The following AXDND1 variants were observed in gnomAD, a reference collection of about 807,000 sequenced individuals.
AXDND1 encodes axonemal dynein light chain domain-containing protein 1.
In AXDND1, 110 loss-of-function variants were observed where a neutral mutation model predicts 137.5. That is an observed-to-expected ratio of 0.80 (90% confidence interval 0.69 to 0.94). The LOEUF (loss-of-function observed/expected upper bound fraction) is 0.94, where lower values mean the gene tolerates loss of function less well. Among genes scored for constraint, AXDND1 ranks in the 40% least tolerant of loss-of-function variants. The pLI is 0.00. For missense variants in AXDND1, 1,191 were observed against 1,169.8 expected (o/e 1.02, Z -0.26); for synonymous variants, 414 against 399.7 (o/e 1.04, Z -0.43).
Position 179,413,295 on chromosome 1 carries a change from G to T in AXDND1, c.1230+2029G>T, listed in dbSNP as rs190866922. On this transcript the variant is annotated intron_variant, in intron 12 of 25. Transcript: ENST00000367618. ...GGGTACGTGTGCAGGATAGCTACAT[G>T]GATATATTGTGTAAATCATAAGGTT... 6.6e-4 allele frequency among the ~76,000 whole-genome samples: 101 copies of T among 152,014 alleles called. 2 individuals are homozygous for T. Among genetic ancestry groups the T allele is most frequent in the Non-Finnish European group, 6.5e-4 (44 of 67,942 alleles).
Position 179,491,629 on chromosome 1 carries a change from A to G in AXDND1, c.2183A>G (p.Lys728Arg), listed in dbSNP as rs1666906561. 11 of 1,613,962 alleles carry G rather than the reference A, an allele frequency of 6.8e-6. No homozygotes were observed. The highest frequency in any genetic ancestry group is 9.3e-6 in the Non-Finnish European group (11 of 1,179,914). Residue 728 changes from lysine (K) to arginine (R), a missense_variant, in exon 19 of 26, where the codon AAG becomes AGG. By Grantham distance (26) the Lys-to-Arg change is conservative (BLOSUM62 2). Coordinates refer to ENST00000367618, the MANE Select transcript of AXDND1 (RefSeq NM_144696.6). ...TTTACTGACCAAGACTGTCTCCTAA[A>G]GTTGGAGGAGGAAAGTGCTGAGAAA... ...PNFTDQDCLL[K>R]LEEESAEKHD...
intron 25 of AXDND1, among the ~76,000 whole-genome samples, chr1:179,541,570 CACAT>C (rs1397953955): frequency 1.3e-5 from 2 of 150,974 alleles, no homozygotes; most frequent in African/African-American, 4.9e-5. Context: ...AGTAGACAAA[CACAT>C]ACAACCATTT....
intron 20 of AXDND1, among the ~76,000 whole-genome samples, chr1:179,507,611 A>G (rs4111171): frequency 0.32 from 48,316 of 152,118 alleles, 8,298 homozygotes; most frequent in Middle Eastern, 0.43. Flanking sequence ...GTGATAACAT[A>G]CTGAATTGAT....
At chr1:179,380,708 T>G (rs16854042) in intron 6 of AXDND1, among the ~76,000 whole-genome samples, 50,659 of 152,138 alleles carry the variant, frequency 0.33, 8,945 homozygotes, top group Middle Eastern at 0.45. Flanking sequence ...TGTTATAATA[T>G]ATTGCATTTC....
intron 20 of AXDND1, among the ~76,000 whole-genome samples, chr1:179,496,488 A>G (rs1225292126): frequency 2.6e-5 from 4 of 152,112 alleles, no homozygotes; most frequent in Admixed American, 2.6e-4. Flanking sequence ...TGTCTAGTTT[A>G]TTGTCATGCA....
chr1:179,394,219 A>G (rs993883135), intron 10 of AXDND1, among the ~76,000 whole-genome samples, 176 bp downstream of exon 10: 3 of 152,198 alleles, frequency 2.0e-5, no homozygotes, highest in African/African-American at 7.2e-5. Flanking sequence ...GATATAGATA[A>G]ATGGGTTATG....
intron 11 of AXDND1, among the ~76,000 whole-genome samples, chr1:179,404,737 T>C (rs1338132754): frequency 6.6e-6 from 1 of 152,142 alleles, no homozygotes; most frequent in African/African-American, 2.4e-5. Flanking sequence ...TGTGTCTTTG[T>C]CTGGTTTTGA....
chr1:179,372,182 A>G (rs1668098215), intron 4 of AXDND1, among the ~76,000 whole-genome samples: 1 of 152,252 alleles, frequency 6.6e-6, no homozygotes, highest in East Asian at 1.9e-4. Flanking sequence ...AGAACCCAGC[A>G]GTAAAATATA....
chr1:179,421,326 C>T (rs945546596), intron 12 of AXDND1, among the ~76,000 whole-genome samples: 10 of 143,664 alleles, frequency 7.0e-5, no homozygotes, highest in African/African-American at 2.8e-4. Context: ...CTATGGTTTC[C>T]TTCCTTCCTT....
At chr1:179,486,722 C>T (rs1052535485) in intron 18 of AXDND1, among the ~76,000 whole-genome samples, 1 of 148,716 alleles carries the variant, frequency 6.7e-6, no homozygotes, top group Non-Finnish European at 1.5e-5. Flanking sequence ...CATATCTAGC[C>T]AAACTGAGCT....
chr1:179,553,769 C>T (rs762382409), intron 25 of AXDND1, among the ~76,000 whole-genome samples: 13 of 152,072 alleles, frequency 8.5e-5, no homozygotes, highest in Non-Finnish European at 1.2e-4. Flanking sequence ...TTCTTTGAGA[C>T]AGAGTCTCAC....
At chr1:179,500,337 A>ATGTGTGTGTGTGTGTG (rs57654195) in intron 20 of AXDND1, among the ~76,000 whole-genome samples, 19 of 133,884 alleles carry the variant, frequency 1.4e-4, no homozygotes, top group Non-Finnish European at 2.4e-4. Context: ...AGGGTACATT[A>ATGTGTGTGTGTGTGTG]TGTGTGTGTG....
At chr1:179,434,584 A>G (rs1430827827) in intron 15 of AXDND1, among the ~76,000 whole-genome samples, 1 of 152,224 alleles carries the variant, frequency 6.6e-6, no homozygotes, top group Admixed American at 6.5e-5. Flanking sequence ...TCACATAAAC[A>G]GAACCAATGA....
chr1:179,424,195 G>T (rs1039781917), intron 12 of AXDND1, among the ~76,000 whole-genome samples: 2 of 151,920 alleles, frequency 1.3e-5, no homozygotes, highest in South Asian at 4.2e-4. Flanking sequence ...TCTCCTTCCT[G>T]CCCTGTATGG....
chr1:179,552,813 A>G (rs1673512168), intron 25 of AXDND1: 1 of 728,404 alleles, frequency 1.4e-6, no homozygotes, highest in Non-Finnish European at 2.5e-6. Context: ...AGAGTGTGCC[A>G]TTCCTAGACT....
chr1:179,394,558 C>G (rs1266904008), intron 10 of AXDND1, among the ~76,000 whole-genome samples: 1 of 88,360 alleles, frequency 1.1e-5, no homozygotes, highest in Non-Finnish European at 2.7e-5. Flanking sequence ...CCACTGCACT[C>G]TAGCCTGGGT....
rs185287879 is a variant in AXDND1 at position 179,423,445 on chromosome 1, T to C, written c.1231-6073T>C. Among the ~76,000 whole-genome samples the C allele has an allele frequency of 8.5e-5, 13 of 152,330 alleles. No homozygotes were observed. In the East Asian group the frequency reaches 1.9e-3, roughly 23 times the overall value. On this transcript the variant is annotated intron_variant, in intron 12 of 25. Transcript: ENST00000367618. ...AGTTCATTTACATTCAGTGTTATTA[T>C]TGATAAGTAAGGATTTACTCCTTCC... is the stretch of plus-strand genomic sequence containing the variant.
At chr1:179,524,036 G>T (rs998734637) in intron 21 of AXDND1, among the ~76,000 whole-genome samples, 1 of 152,090 alleles carries the variant, frequency 6.6e-6, no homozygotes, top group South Asian at 2.1e-4. Flanking sequence ...CCTTTTTATG[G>T]CTGAGTGGTA....
intron 16 of AXDND1, chr1:179,449,204 A>G (rs1660174179): frequency 4.5e-6 from 2 of 444,332 alleles, no homozygotes; most frequent in Admixed American, 2.4e-5. Context: ...ATTTTTATAT[A>G]GTGTGTGAGG....
Sources: allele counts gnomAD v4.1 joint callset (sites outside exome capture counted in the v4.1 genomes callset), GRCh38; gene constraint gnomAD v4.1.1; transcripts MANE v1.5; gene names NCBI Gene and HGNC (gene_info 2026-07-23, HGNC 2026-07-21).